The following ASIC2 variants were observed in gnomAD, a reference collection of about 807,000 sequenced individuals.
ASIC2 encodes acid-sensing ion channel 2.
In ASIC2, 25 loss-of-function variants were observed where a neutral mutation model predicts 57.3. The observed-to-expected ratio is 0.44, with a 90% CI of 0.32 to 0.61. ASIC2 has a LOEUF of 0.61. ASIC2 is among the 20% of genes least tolerant of loss of function. ASIC2 has a pLI of 0.06. For missense variants in ASIC2, 641 were observed against 738.1 expected (o/e 0.87, Z 1.52); for synonymous variants, 319 against 307.5 (o/e 1.04, Z -0.39).
rs538940902 is a variant in ASIC2, at chr17:33,046,105, C to T, written c.988-17713G>A. Among the ~76,000 whole-genome samples, 58 of 152,316 alleles carry T rather than the reference C, an allele frequency of 3.8e-4. 1 individual carries two copies. Among genetic ancestry groups the T allele is most frequent in the Middle Eastern group, 6.8e-3 (2 of 294 alleles). On this transcript the variant is annotated intron_variant, in intron 3 of 9. Transcript: ENST00000225823. ...GGCTTGACTCTGCTCCTTAGCTAGT[C>T]ATCCATCTTCAATTCCCATCATTCT... is the stretch of plus-strand genomic sequence containing the variant.
At chr17:33,531,660 C>T (rs999155306) in intron 1 of ASIC2, among the ~76,000 whole-genome samples, 2 of 152,220 alleles carry the variant, frequency 1.3e-5, no homozygotes, top group Non-Finnish European at 2.9e-5. Context: ...CCACACACCT[C>T]CCAGTGGGTC....
intron 1 of ASIC2, among the ~76,000 whole-genome samples, chr17:33,307,071 T>A (rs1906209012): frequency 6.6e-6 from 1 of 152,160 alleles, no homozygotes; most frequent in African/African-American, 2.4e-5. Context: ...CCCATCCACC[T>A]ACAAGACTCT....
intron 1 of ASIC2, among the ~76,000 whole-genome samples, chr17:33,145,630 A>G (rs770186269): frequency 6.6e-6 from 1 of 152,244 alleles, no homozygotes; most frequent in Non-Finnish European, 1.5e-5. Context: ...ATTTCTGACA[A>G]TACGTGATTT....
chr17:33,148,310 G>A (rs527550119), intron 1 of ASIC2, among the ~76,000 whole-genome samples: 1 of 152,304 alleles, frequency 6.6e-6, no homozygotes, highest in East Asian at 1.9e-4. Context: ...TAACTGAATT[G>A]GGGTTCAGGA....
chr17:33,448,814 C>T (rs936573029), intron 1 of ASIC2, among the ~76,000 whole-genome samples: 2 of 152,192 alleles, frequency 1.3e-5, no homozygotes, highest in Non-Finnish European at 2.9e-5. Flanking sequence ...CCGTTTTCAT[C>T]CCAGTACCTT....
chr17:33,368,006 G>C (rs1908887642), intron 1 of ASIC2, among the ~76,000 whole-genome samples: 1 of 152,174 alleles, frequency 6.6e-6, no homozygotes, highest in African/African-American at 2.4e-5. Context: ...AGTTGGACAA[G>C]ATGGTAGACT....
intron 1 of ASIC2, chr17:33,290,873 G>A (rs1414112782): frequency 6.6e-6 from 1 of 152,540 alleles, no homozygotes; most frequent in Non-Finnish European, 1.5e-5. Flanking sequence ...AAGTGTTTGG[G>A]AACTTTGAAG....
At chr17:34,139,363 AT>A (rs1356791707) in intron 1 of ASIC2, among the ~76,000 whole-genome samples, 2 of 152,220 alleles carry the variant, frequency 1.3e-5, no homozygotes, top group Non-Finnish European at 2.9e-5. Context: ...AAACAGATAG[AT>A]TCATATGTGG....
chr17:33,757,719 A>G (rs1174815687), intron 1 of ASIC2, among the ~76,000 whole-genome samples: 2 of 152,228 alleles, frequency 1.3e-5, no homozygotes, highest in African/African-American at 2.4e-5. Flanking sequence ...CAGGATCCAC[A>G]GTTCAGCATT....
chr17:33,088,422 G>A (rs1292412115), intron 3 of ASIC2, among the ~76,000 whole-genome samples: 1 of 152,116 alleles, frequency 6.6e-6, no homozygotes, highest in African/African-American at 2.4e-5. Context: ...CATGTAACAA[G>A]GGCTCGCTCC....
chr17:34,124,748 A>T (rs1911726899), intron 1 of ASIC2, among the ~76,000 whole-genome samples: 1 of 152,082 alleles, frequency 6.6e-6, no homozygotes, highest in South Asian at 2.1e-4. Flanking sequence ...TGACATTCGC[A>T]CATCATGGAG....
chr17:33,798,524 A>G (rs1488864674), intron 1 of ASIC2, among the ~76,000 whole-genome samples: 1 of 152,196 alleles, frequency 6.6e-6, no homozygotes, highest in Non-Finnish European at 1.5e-5. Flanking sequence ...AATTAGCACA[A>G]ATCCAGCACC....
At chr17:33,657,784 G>C (rs1055011009) in intron 1 of ASIC2, among the ~76,000 whole-genome samples, 3 of 145,140 alleles carry the variant, frequency 2.1e-5, no homozygotes, top group Non-Finnish European at 3.0e-5. Flanking sequence ...AAAAAAGTCT[G>C]CTGCATAATT....
intron 1 of ASIC2, chr17:34,071,444 C>T (rs1181128040): frequency 6.6e-6 from 1 of 152,154 alleles, no homozygotes. Flanking sequence ...CTCATCCACT[C>T]ACCTTCCCTA....
At chr17:33,413,561 A>C (rs1597719598) in intron 1 of ASIC2, among the ~76,000 whole-genome samples, 2 of 152,182 alleles carry the variant, frequency 1.3e-5, no homozygotes, top group Non-Finnish European at 2.9e-5. Context: ...TTGGCCAACA[A>C]GGCCTCGCCT....
chr17:33,327,080 A>G (rs998332418), intron 1 of ASIC2, among the ~76,000 whole-genome samples: 4 of 152,286 alleles, frequency 2.6e-5, no homozygotes, highest in South Asian at 2.1e-4. Context: ...TCCCAGTGCT[A>G]TTCAACAGGG....
At chr17:33,512,147 C>G (rs753955238) in intron 1 of ASIC2, among the ~76,000 whole-genome samples, 3 of 152,156 alleles carry the variant, frequency 2.0e-5, no homozygotes, top group Non-Finnish European at 4.4e-5. Context: ...AAACAGTCCT[C>G]CAAAGGGAGG....
At chr17:33,488,921 G>C (rs1913662496) in intron 1 of ASIC2, among the ~76,000 whole-genome samples, 1 of 152,108 alleles carries the variant, frequency 6.6e-6, no homozygotes, top group Non-Finnish European at 1.5e-5. Context: ...ATCTGATGCT[G>C]AGTTCCCCGA....
At position 33,190,766 on chromosome 17, in the gene ASIC2, T is replaced by G. The variant is rs113153351; in HGVS notation, c.709-78699A>C. Reference sequence around the variant, plus strand: ...AAGGAAATGCAAATTAAAACCACAATGAGATGCCACTACACTAAGCACCAT... The same window carrying G: ...AAGGAAATGCAAATTAAAACCACAAGGAGATGCCACTACACTAAGCACCAT... On this transcript the variant is annotated intron_variant, in intron 1 of 9. Transcript: ENST00000225823. 8.7e-3 allele frequency among the ~76,000 whole-genome samples: 1,328 copies of G among 152,226 alleles called. 7 individuals are homozygous for G. Among genetic ancestry groups the G allele is most frequent in the South Asian group, 0.013 (63 of 4,820 alleles).
Sources: allele counts gnomAD v4.1 joint callset (sites outside exome capture counted in the v4.1 genomes callset), GRCh38; gene constraint gnomAD v4.1.1; transcripts MANE v1.5; gene names NCBI Gene and HGNC (gene_info 2026-07-23, HGNC 2026-07-21).